SCAI: variants seen among roughly 807,000 people sequenced by gnomAD.
SCAI encodes protein SCAI.
A neutral mutation model predicts 92.2 loss-of-function variants in SCAI; 24 were observed. That is an observed-to-expected ratio of 0.26 (90% CI 0.19 to 0.37). The LOEUF (loss-of-function observed/expected upper bound fraction) is 0.37, where lower values mean the gene tolerates loss of function less well. Ranked by LOEUF, SCAI falls within the 10% of genes least tolerant of loss-of-function variation. SCAI has a pLI of 1.00. For missense variants in SCAI, 450 were observed against 736.2 expected, an observed-to-expected ratio of 0.61 and a Z score of 4.50; for synonymous variants, 261 against 258.6, an observed-to-expected ratio of 1.01 and a Z score of -0.09.
chr9:125,043,806 G>A (rs928376937), intron 3 of SCAI, among the ~76,000 whole-genome samples: 19 of 152,258 alleles, frequency 1.2e-4, no homozygotes, highest in Admixed American at 7.2e-4. Flanking sequence ...CAGGGATGCC[G>A]ACTGCAGTGG....
chr9:124,986,749 G>C (rs749349944), intron 14 of SCAI, among the ~76,000 whole-genome samples: 3 of 152,126 alleles, frequency 2.0e-5, no homozygotes, highest in Non-Finnish European at 4.4e-5. Context: ...AAAACAAAAA[G>C]GTCTTTCAAA....
intron 2 of SCAI, among the ~76,000 whole-genome samples, chr9:125,126,472 C>G (rs75221134): frequency 1.4e-5 from 2 of 144,354 alleles, no homozygotes; most frequent in South Asian, 2.2e-4. Context: ...GAGAGAGAGA[C>G]AGAACACACA....
At chr9:124,970,471 C>A (rs1255822640) in intron 17 of SCAI, among the ~76,000 whole-genome samples, 3 of 151,844 alleles carry the variant, frequency 2.0e-5, no homozygotes, top group African/African-American at 4.8e-5. Context: ...ATAATCCCAG[C>A]GCTTTGGAAG....
rs1831236397 is a variant in SCAI, at chr9:124,951,540, T to C, written c.*1267A>G. ...AAATAAATTTAGAGTATAATTTACC[T>C]AGGGCCATGGGAAAGAGATATCAAA... On this transcript the variant is annotated 3_prime_UTR_variant, in exon 18 of 18. Coordinates refer to ENST00000336505, the MANE Select transcript of SCAI (RefSeq NM_001144877.3). The C allele has an allele frequency of 6.6e-6, 1 of 152,132 alleles. No homozygotes were observed. The highest frequency in any genetic ancestry group is 1.9e-4 in the East Asian group (1 of 5,196). The allele number at this position is 152,132 out of a possible 1,614,324, so 9.4% of individuals were successfully genotyped here.
At chr9:125,051,067 G>C (rs188975696) in intron 3 of SCAI, among the ~76,000 whole-genome samples, 2 of 152,092 alleles carry the variant, frequency 1.3e-5, no homozygotes, top group Admixed American at 6.5e-5. Flanking sequence ...CTGTCACCCA[G>C]GCTGGAGTGC....
At chr9:125,128,307 C>A (rs767570640) in intron 2 of SCAI, among the ~76,000 whole-genome samples, 9 of 152,028 alleles carry the variant, frequency 5.9e-5, no homozygotes, top group African/African-American at 1.5e-4. Flanking sequence ...CAGAGCAAGA[C>A]CCCCTTCTCT....
At chr9:125,037,650 C>G (rs1434613973) in intron 3 of SCAI, among the ~76,000 whole-genome samples, 2 of 152,214 alleles carry the variant, frequency 1.3e-5, no homozygotes, top group African/African-American at 2.4e-5. Context: ...TACAGTGGCT[C>G]AAGCCTGTAA....
At chr9:124,996,882 G>A (rs896120611) in intron 13 of SCAI, among the ~76,000 whole-genome samples, 3 of 151,214 alleles carry the variant, frequency 2.0e-5, no homozygotes, top group African/African-American at 4.9e-5. Flanking sequence ...CGCCCACTTC[G>A]GCCTCCCAAA....
At chr9:125,046,451 C>T (rs927041625) in intron 3 of SCAI, among the ~76,000 whole-genome samples, 12 of 146,526 alleles carry the variant, frequency 8.2e-5, no homozygotes, top group Admixed American at 2.0e-4. Context: ...AAGTAACTCA[C>T]GAATGGAAAA....
chr9:124,986,206 G>A (rs931841963), intron 14 of SCAI, among the ~76,000 whole-genome samples: 6 of 152,124 alleles, frequency 3.9e-5, no homozygotes, highest in East Asian at 3.9e-4. Flanking sequence ...CAGGAGAATC[G>A]TTTGAACCCG....
At chr9:125,026,316 G>A (rs1832963093) in intron 6 of SCAI, among the ~76,000 whole-genome samples, 2 of 151,512 alleles carry the variant, frequency 1.3e-5, no homozygotes, top group South Asian at 4.2e-4. Context: ...GGAGGTGGAG[G>A]TTGCAGTGAG....
chr9:124,979,355 C>T (rs1302078866), intron 14 of SCAI, among the ~76,000 whole-genome samples: 3 of 151,688 alleles, frequency 2.0e-5, no homozygotes, highest in East Asian at 4.0e-4. Flanking sequence ...ACCTGACCAA[C>T]ATGGTGAAAG....
intron 3 of SCAI, among the ~76,000 whole-genome samples, chr9:125,037,687 G>A (rs1195178114): frequency 6.6e-6 from 1 of 152,150 alleles, no homozygotes; most frequent in African/African-American, 2.4e-5. Context: ...GGCCAAGGCG[G>A]GCGGATCATT....
At chr9:125,066,583 G>C (rs1449019793) in intron 2 of SCAI, among the ~76,000 whole-genome samples, 1 of 152,004 alleles carries the variant, frequency 6.6e-6, no homozygotes, top group Non-Finnish European at 1.5e-5. Context: ...AGCCTCATGA[G>C]TAGCTGGGAC....
chr9:125,079,858 G>A (rs910787257), intron 2 of SCAI, among the ~76,000 whole-genome samples: 7 of 152,106 alleles, frequency 4.6e-5, no homozygotes, highest in Non-Finnish European at 8.8e-5. Flanking sequence ...ATTTGATTAC[G>A]AAAGCAGGAA....
chr9:125,046,715 A>AC (rs945192528), intron 3 of SCAI, among the ~76,000 whole-genome samples: 1 of 150,892 alleles, frequency 6.6e-6, no homozygotes, highest in African/African-American at 2.4e-5. Flanking sequence ...AAAAAAAAAA[A>AC]AAAACTAACT....
At chr9:124,984,948 T>C (rs73666663) in intron 14 of SCAI, among the ~76,000 whole-genome samples, 2 of 152,136 alleles carry the variant, frequency 1.3e-5, no homozygotes, top group African/African-American at 4.8e-5. Context: ...TGAAAGGATA[T>C]GCAGATTCCA....
At position 125,042,858 on chromosome 9, in the gene SCAI, CTTTTTTTTTT is replaced by C. The variant is rs770118712; in HGVS notation, c.230+13008_230+13017del. 1.7e-3 allele frequency among the ~76,000 whole-genome samples: 89 copies of C among 50,992 alleles called. 1 individual carries two copies. The highest frequency in any genetic ancestry group is 6.0e-3 in the African/African-American group (75 of 12,414). 33.5% of individuals were successfully genotyped at this position (50,992 alleles called of 152,430 possible). ...TCTGGGACCACATTCTGCTCCCTGGCTTTTTTTTTTTTTTTTTTTTTTTTTTTTTTGACAG... is the reference window on the plus strand; with the variant it reads ...TCTGGGACCACATTCTGCTCCCTGGCTTTTTTTTTTTTTTTTTTTTGACAG... On this transcript the variant is annotated intron_variant, in intron 3 of 17. Coordinates refer to ENST00000336505, the MANE Select transcript of SCAI (RefSeq NM_001144877.3).
chr9:125,015,586 T>G (rs1832741598), intron 9 of SCAI, among the ~76,000 whole-genome samples: 1 of 152,218 alleles, frequency 6.6e-6, no homozygotes, highest in Non-Finnish European at 1.5e-5. Flanking sequence ...TTGGTGGGAC[T>G]GTAAACTAGT....
Sources: allele counts gnomAD v4.1 joint callset (sites outside exome capture counted in the v4.1 genomes callset), GRCh38; gene constraint gnomAD v4.1.1; transcripts MANE v1.5; gene names NCBI Gene and HGNC (gene_info 2026-07-23, HGNC 2026-07-21).